Variants in NXPH1 observed in about 807,000 individuals in gnomAD.
NXPH1 encodes neurexophilin-1.
Under a neutral mutation model 23.7 loss-of-function variants are expected in NXPH1, and 5 were observed. The ratio of observed to expected loss-of-function variants is 0.21; its 90% CI spans 0.11 to 0.44. The LOEUF (loss-of-function observed/expected upper bound fraction) is 0.44. Ranked by LOEUF, NXPH1 falls within the 20% of genes least tolerant of loss-of-function variation. The pLI, the probability that NXPH1 is intolerant of heterozygous loss-of-function variation, is 0.99. For synonymous variants in NXPH1, 144 were observed against 122.2 expected (o/e 1.18, Z -1.18); for missense variants, 324 against 321.6 (o/e 1.01, Z -0.06).
chr7:8,491,500 C>T (rs1817247071), intron 2 of NXPH1, among the ~76,000 whole-genome samples: 1 of 152,016 alleles, frequency 6.6e-6, no homozygotes. Flanking sequence ...TTGATAATCC[C>T]AGATTACATC....
intron 2 of NXPH1, among the ~76,000 whole-genome samples, chr7:8,645,417 C>A (rs1472815525): frequency 6.6e-6 from 1 of 151,976 alleles, no homozygotes; most frequent in Non-Finnish European, 1.5e-5. Context: ...TCCTATGATC[C>A]TGAACATCCT....
At chr7:8,734,739 A>T (rs756797408) in intron 2 of NXPH1, among the ~76,000 whole-genome samples, 53 of 152,050 alleles carry the variant, frequency 3.5e-4, no homozygotes, top group Non-Finnish European at 6.8e-4. Flanking sequence ...TCAAGTCCTG[A>T]ATAGCCTTGT....
rs558633674 is a variant in NXPH1 at position 8,434,476 on chromosome 7, A to G, written c.-390A>G. 2.0e-5 allele frequency: 3 copies of G among 151,872 alleles called. No homozygotes were observed. Among genetic ancestry groups the G allele is most frequent in the Admixed American group, 6.6e-5 (1 of 15,218 alleles). 9.4% of individuals were successfully genotyped at this position (151,872 alleles called of 1,614,324 possible). ...TCTGTCTTCCTCTCTTTCCTCCTCT[A>G]CTGCTCCCTCCCTCTCTTGCCTCTT... On this transcript the variant is annotated 5_prime_UTR_variant, in exon 1 of 3. Coordinates refer to ENST00000405863, the MANE Select transcript of NXPH1 (RefSeq NM_152745.3). This position sits in a 1 kb window ranked among gnomAD's most constrained non-coding sequence, Gnocchi z 7.6.
At chr7:8,540,373 A>C (rs1818095309) in intron 2 of NXPH1, among the ~76,000 whole-genome samples, 1 of 151,852 alleles carries the variant, frequency 6.6e-6, no homozygotes, top group Non-Finnish European at 1.5e-5. Flanking sequence ...GTGTGAAACG[A>C]CAAGTTTAAA....
At chr7:8,538,828 G>A (rs903455371) in intron 2 of NXPH1, among the ~76,000 whole-genome samples, 1 of 151,910 alleles carries the variant, frequency 6.6e-6, no homozygotes, top group Non-Finnish European at 1.5e-5. Flanking sequence ...TAAAGCTGAA[G>A]TCCCAGACAG....
intron 2 of NXPH1, among the ~76,000 whole-genome samples, chr7:8,542,004 C>T (rs1408241520): frequency 1.3e-5 from 2 of 151,228 alleles, no homozygotes; most frequent in East Asian, 3.9e-4. Flanking sequence ...CTAACCATAT[C>T]ATGAATTAAA....
chr7:8,542,231 G>A (rs1213979238), intron 2 of NXPH1, among the ~76,000 whole-genome samples: 1 of 151,376 alleles, frequency 6.6e-6, no homozygotes, highest in African/African-American at 2.4e-5. Context: ...AATAGTACTG[G>A]ATATAAAGAA....
At chr7:8,650,327 C>A (rs1820471670) in intron 2 of NXPH1, among the ~76,000 whole-genome samples, 1 of 152,140 alleles carries the variant, frequency 6.6e-6, no homozygotes, top group African/African-American at 2.4e-5. Context: ...TGATATTCAT[C>A]TACATAGAAG....
chr7:8,492,276 A>G (rs761764702), intron 2 of NXPH1, among the ~76,000 whole-genome samples: 13 of 151,992 alleles, frequency 8.6e-5, no homozygotes, highest in Non-Finnish European at 4.4e-5. Context: ...TGCCTTATCC[A>G]TGATGTCACT....
intron 2 of NXPH1, among the ~76,000 whole-genome samples, chr7:8,730,374 C>T (rs1186847625): frequency 6.7e-6 from 1 of 149,606 alleles, no homozygotes; most frequent in Non-Finnish European, 1.5e-5. Flanking sequence ...TGAATTTGAT[C>T]CTGTCATTAT....
intron 2 of NXPH1, among the ~76,000 whole-genome samples, chr7:8,513,252 A>G (rs1460919068): frequency 6.6e-6 from 1 of 151,998 alleles, no homozygotes; most frequent in Non-Finnish European, 1.5e-5. Context: ...AGGAAACAGA[A>G]TATATAGGGA....
At position 8,751,359 on chromosome 7, in the gene NXPH1, T is replaced by C. The variant is rs1038390604; in HGVS notation, c.406T>C (p.Leu136=). The part of the protein sequence containing the change: ...SNIKTVKLNL[L]ITGKIVDHGN... ...CATCAAAACAGTGAAGCTGAACCTG[T>C]TGATAACTGGGAAAATTGTAGATCA... Residue 136 remains leucine, a synonymous_variant, in exon 3 of 3, where the codon TTG becomes CTG. Coordinates refer to ENST00000405863, the MANE Select transcript of NXPH1 (RefSeq NM_152745.3). The surrounding 1 kb of genome is among the most constrained non-coding windows in gnomAD (Gnocchi z 4.5). 3.1e-6 allele frequency: 5 copies of C among 1,613,924 alleles called. No individual in the cohort carries two copies. Among genetic ancestry groups the C allele is most frequent in the Non-Finnish European group, 4.2e-6 (5 of 1,179,854 alleles).
At chr7:8,686,128 T>A (rs1365765940) in intron 2 of NXPH1, among the ~76,000 whole-genome samples, 2 of 152,196 alleles carry the variant, frequency 1.3e-5, no homozygotes, top group Admixed American at 1.3e-4. Context: ...AGAGCCATTT[T>A]AAAAAGTTAA....
intron 2 of NXPH1, among the ~76,000 whole-genome samples, chr7:8,485,509 T>C (rs1360142496): frequency 2.0e-5 from 3 of 152,082 alleles, no homozygotes; most frequent in African/African-American, 7.2e-5. Flanking sequence ...AATTTCTCAT[T>C]ATCTTTCCTC....
At chr7:8,744,277 G>C (rs1238784775) in intron 2 of NXPH1, among the ~76,000 whole-genome samples, 1 of 152,182 alleles carries the variant, frequency 6.6e-6, no homozygotes, top group Non-Finnish European at 1.5e-5. Context: ...GAACTAGAGA[G>C]CCAGCTCCTT....
At chr7:8,470,567 G>T (rs140093611) in intron 2 of NXPH1, among the ~76,000 whole-genome samples, 2 of 152,140 alleles carry the variant, frequency 1.3e-5, no homozygotes, top group African/African-American at 4.8e-5. Flanking sequence ...ACAGATCTCA[G>T]GAAAAGGTAG....
chr7:8,463,105 T>A (rs944193319), intron 2 of NXPH1, among the ~76,000 whole-genome samples: 2 of 152,166 alleles, frequency 1.3e-5, no homozygotes, highest in Non-Finnish European at 2.9e-5. Flanking sequence ...TTCATAAGTT[T>A]AGGGGTAATT....
intron 2 of NXPH1, among the ~76,000 whole-genome samples, chr7:8,576,805 C>T (rs760677719): frequency 6.6e-6 from 1 of 152,060 alleles, no homozygotes; most frequent in East Asian, 1.9e-4. Flanking sequence ...TGAAATGTTG[C>T]TTTTCTCTTG....
intron 2 of NXPH1, among the ~76,000 whole-genome samples, chr7:8,656,632 C>A (rs1045934410): frequency 5.3e-5 from 8 of 150,718 alleles, no homozygotes; most frequent in African/African-American, 2.0e-4. Flanking sequence ...CATGCTGGTG[C>A]GCTGCACCCA....
Sources: allele counts gnomAD v4.1 joint callset (sites outside exome capture counted in the v4.1 genomes callset), GRCh38; gene constraint gnomAD v4.1.1; non-coding constraint Gnocchi (gnomAD v3.1); transcripts MANE v1.5; gene names NCBI Gene and HGNC (gene_info 2026-07-23, HGNC 2026-07-21).